Variants in IQCJ observed in about 807,000 individuals in gnomAD.
IQCJ encodes the protein IQ domain-containing protein J.
A neutral mutation model predicts 11.0 loss-of-function variants in IQCJ; 9 were observed. That is an observed-to-expected ratio of 0.82 (90% CI 0.49 to 1.43). The LOEUF (loss-of-function observed/expected upper bound fraction) is 1.43, where lower values mean the gene tolerates loss of function less well. Among genes scored for constraint, IQCJ ranks in the 40% most tolerant of loss-of-function variants. The pLI, the probability that IQCJ is intolerant of heterozygous loss-of-function variation, is 0.00. For synonymous variants in IQCJ, 55 were observed against 51.3 expected (o/e 1.07, Z -0.31); for missense variants, 146 against 133.2 (o/e 1.10, Z -0.47).
chr3:159,089,104 G>C (rs974654683), intron 1 of IQCJ, among the ~76,000 whole-genome samples: 3 of 151,934 alleles, frequency 2.0e-5, no homozygotes, highest in African/African-American at 7.3e-5. Context: ...AGCTCTTTTA[G>C]GGCAGGCCTG....
At chr3:159,193,353 G>T (rs1345812708) in intron 1 of IQCJ, among the ~76,000 whole-genome samples, 2 of 152,164 alleles carry the variant, frequency 1.3e-5, no homozygotes, top group African/African-American at 2.4e-5. Flanking sequence ...GGCCTTGAAA[G>T]GTGTTATTTC....
intron 1 of IQCJ, among the ~76,000 whole-genome samples, chr3:159,242,682 C>G (rs1727002931): frequency 6.6e-6 from 1 of 151,604 alleles, no homozygotes; most frequent in South Asian, 2.1e-4. Context: ...TTACCACACA[C>G]CATACCCAAA....
chr3:159,069,512 A>C, intron 1 of IQCJ, 71 bp downstream of exon 1: 1 of 1,554,050 alleles, frequency 6.4e-7, no homozygotes, highest in Non-Finnish European at 8.7e-7. Context: ...ATTTTTTAAA[A>C]ATCTGTCTTC....
At chr3:159,096,227 G>A (rs1717739992) in intron 1 of IQCJ, among the ~76,000 whole-genome samples, 1 of 140,208 alleles carries the variant, frequency 7.1e-6, no homozygotes, top group Non-Finnish European at 1.5e-5. Context: ...TTTTTTTCTT[G>A]TAAATTTGTT....
chr3:159,130,407 G>C (rs984312572), intron 1 of IQCJ, among the ~76,000 whole-genome samples: 2 of 152,086 alleles, frequency 1.3e-5, no homozygotes, highest in African/African-American at 4.8e-5. Context: ...TGAGCCCACA[G>C]TACCTAGATC....
chr3:159,254,407 G>A (rs1727775979), intron 3 of IQCJ, among the ~76,000 whole-genome samples: 1 of 152,120 alleles, frequency 6.6e-6, no homozygotes. Context: ...ATTTGTTGGA[G>A]GAGTCTCAGC....
chr3:159,069,908 G>GTTGATT (rs1715449552), intron 1 of IQCJ: 3 of 259,668 alleles, frequency 1.2e-5, no homozygotes, highest in African/African-American at 6.9e-5. Context: ...GGGAGGAGGT[G>GTTGATT]TTGATTTTTG....
At chr3:159,181,379 TC>T (rs1723081555) in intron 1 of IQCJ, among the ~76,000 whole-genome samples, 3 of 145,988 alleles carry the variant, frequency 2.1e-5, no homozygotes, top group African/African-American at 7.7e-5. Context: ...GGGCAGGAAG[TC>T]TAGCCATTCA....
At chr3:159,152,147 C>T (rs980679484) in intron 1 of IQCJ, among the ~76,000 whole-genome samples, 7 of 152,160 alleles carry the variant, frequency 4.6e-5, no homozygotes, top group African/African-American at 1.7e-4. Context: ...CCTCCAGGAC[C>T]CACCATCTGA....
At chr3:159,178,338 T>A (rs1361101439) in intron 1 of IQCJ, among the ~76,000 whole-genome samples, 1 of 152,176 alleles carries the variant, frequency 6.6e-6, no homozygotes, top group Non-Finnish European at 1.5e-5. Flanking sequence ...AGGCTTCGAC[T>A]TGACTGACAA....
chr3:159,120,513 T>G lies in IQCJ; in HGVS notation c.9+51072T>G, dbSNP rs180743905. 9.5e-3 allele frequency among the ~76,000 whole-genome samples: 1,449 copies of G among 152,314 alleles called. 30 individuals are homozygous for G. Among genetic ancestry groups the G allele is most frequent in the African/African-American group, 0.033 (1,361 of 41,564 alleles). On this transcript the variant is annotated intron_variant, in intron 1 of 3. Coordinates refer to ENST00000397832, the MANE Select transcript of IQCJ (RefSeq NM_001042706.3). ...CCTTCTCTTTTCCATTGGCTAGAACTCAGCCATTATAGCCATATCTGGGGA... is the reference window on the plus strand; with the variant it reads ...CCTTCTCTTTTCCATTGGCTAGAACGCAGCCATTATAGCCATATCTGGGGA...
chr3:159,226,529 A>G (rs7629391), intron 1 of IQCJ, among the ~76,000 whole-genome samples: 5,051 of 152,286 alleles, frequency 0.033, 261 homozygotes, highest in African/African-American at 0.12. Flanking sequence ...TAGTTATATC[A>G]CAACTACAGT....
At chr3:159,194,642 T>C (rs1161839018) in intron 1 of IQCJ, among the ~76,000 whole-genome samples, 1 of 152,198 alleles carries the variant, frequency 6.6e-6, no homozygotes, top group African/African-American at 2.4e-5. Flanking sequence ...ACTGATGGGT[T>C]TTCTAGCCTT....
chr3:159,227,897 G>C (rs914201592), intron 1 of IQCJ, among the ~76,000 whole-genome samples: 1 of 152,200 alleles, frequency 6.6e-6, no homozygotes, highest in Admixed American at 6.5e-5. Context: ...GCATTGAAGA[G>C]ATAGGGGTAA....
intron 1 of IQCJ, among the ~76,000 whole-genome samples, chr3:159,199,650 A>T (rs1266516172): frequency 6.6e-6 from 1 of 152,158 alleles, no homozygotes; most frequent in Non-Finnish European, 1.5e-5. Flanking sequence ...TTATGAGGGT[A>T]CTACTCAGAA....
intron 1 of IQCJ, among the ~76,000 whole-genome samples, chr3:159,241,357 C>G (rs61795168): frequency 2.0e-5 from 3 of 151,800 alleles, no homozygotes; most frequent in Admixed American, 2.0e-4. Flanking sequence ...TGCAGTGAGC[C>G]GAGATCGCAC....
intron 1 of IQCJ, among the ~76,000 whole-genome samples, chr3:159,167,218 C>G (rs904106664): frequency 6.6e-6 from 1 of 152,130 alleles, no homozygotes; most frequent in African/African-American, 2.4e-5. Context: ...TCTTGTACTT[C>G]TATAGCTTTT....
At chr3:159,242,617 C>A (rs1324705069) in intron 1 of IQCJ, among the ~76,000 whole-genome samples, 1 of 150,680 alleles carries the variant, frequency 6.6e-6, no homozygotes, top group Non-Finnish European at 1.5e-5. Context: ...TATATGGAAG[C>A]CCCATTTAGT....
rs57810703 is a variant in IQCJ, at chr3:159,116,614, G to GTATA, written c.9+47226_9+47229dup. Reference sequence around the variant, plus strand: ...TTCTATTTTAGCATCCTGCTCATATGTATATATATATATATATATATATAT... The same window carrying GTATA: ...TTCTATTTTAGCATCCTGCTCATATGTATATATATATATATATATATATATATAT... On this transcript the variant is annotated intron_variant, in intron 1 of 3. Transcript: ENST00000397832. Among the ~76,000 whole-genome samples, 97 of 57,628 alleles carry GTATA rather than the reference G, an allele frequency of 1.7e-3. 2 individuals carry two copies. The highest frequency in any genetic ancestry group is 3.1e-3 in the South Asian group (4 of 1,280). The allele number at this position is 57,628 out of a possible 152,430, so 37.8% of individuals were successfully genotyped here.
Sources: allele counts gnomAD v4.1 joint callset (sites outside exome capture counted in the v4.1 genomes callset), GRCh38; gene constraint gnomAD v4.1.1; transcripts MANE v1.5; gene names NCBI Gene and HGNC (gene_info 2026-07-23, HGNC 2026-07-21).